Variants in DMD observed in about 807,000 individuals in gnomAD.
DMD encodes the protein mutant dystrophin.
A neutral mutation model predicts 330.1 loss-of-function variants in DMD; 63 were observed. The observed-to-expected ratio is 0.19, with a 90% CI of 0.16 to 0.24. DMD has a LOEUF of 0.24. Among genes scored for constraint, DMD ranks in the 10% least tolerant of loss-of-function variants. The pLI, the probability that DMD is intolerant of heterozygous loss-of-function variation, is 1.00. For missense variants in DMD, 3,344 were observed against 2,684.1 expected (o/e 1.25, Z -5.43); for synonymous variants, 1,223 against 959.8 (o/e 1.27, Z -5.07).
At chrX:31,472,840 A>C (rs1004868190) in intron 59 of DMD, among the ~76,000 whole-genome samples, 3 of 112,525 alleles carry the variant, frequency 2.7e-5, no homozygotes, top group Non-Finnish European at 5.6e-5. Context: ...AAACTCATAG[A>C]ATCCCTGCCC....
chrX:32,663,815 ATT>A (rs1361687358), intron 9 of DMD, among the ~76,000 whole-genome samples: 1 of 111,786 alleles, frequency 8.9e-6, no homozygotes, highest in Non-Finnish European at 1.9e-5. Flanking sequence ...TGAGAAAAAG[ATT>A]TAAAGATATG....
intron 56 of DMD, among the ~76,000 whole-genome samples, chrX:31,500,550 A>G (rs918399584): frequency 2.7e-5 from 3 of 112,350 alleles, no homozygotes; most frequent in Admixed American, 9.4e-5. Context: ...CACATTTCTA[A>G]TACATTTATC....
At chrX:32,435,272 T>TTATATATATATATATATATATATA (rs2098255810) in intron 29 of DMD, among the ~76,000 whole-genome samples, 1 of 45,932 alleles carries the variant, frequency 2.2e-5, no homozygotes, top group East Asian at 1.4e-3. Flanking sequence ...TAATATATAC[T>TTATATATATATATATATATATATA]TACATATATA....
chrX:33,330,601 C>A (rs1307330080), intron 1 of DMD, among the ~76,000 whole-genome samples: 3 of 111,534 alleles, frequency 2.7e-5, no homozygotes, highest in African/African-American at 9.8e-5. Context: ...TTCAAATCCT[C>A]CTGAAAGTTT....
At chrX:32,400,511 T>C (rs965961708) in intron 30 of DMD, among the ~76,000 whole-genome samples, 6 of 111,415 alleles carry the variant, frequency 5.4e-5, no homozygotes, top group Non-Finnish European at 7.5e-5. Context: ...TTCTATGGAT[T>C]GGAATAGTTT....
chrX:31,339,521 A>C (rs971859618), intron 61 of DMD, among the ~76,000 whole-genome samples: 1 of 111,906 alleles, frequency 8.9e-6, no homozygotes, highest in African/African-American at 3.2e-5. Flanking sequence ...CCTGCAAATC[A>C]TCTCACATTG....
At chrX:31,562,394 T>G (rs1213920598) in intron 55 of DMD, among the ~76,000 whole-genome samples, 1 of 112,206 alleles carries the variant, frequency 8.9e-6, no homozygotes, top group East Asian at 2.8e-4. Flanking sequence ...ACCACATTTC[T>G]TTCCTCAAAG....
intron 41 of DMD, among the ~76,000 whole-genome samples, chrX:32,338,631 A>G (rs1326823737): frequency 9.0e-6 from 1 of 111,423 alleles, no homozygotes; most frequent in African/African-American, 3.3e-5. Flanking sequence ...ATCTGATAAC[A>G]TTGCTTATAA....
At chrX:32,800,498 T>G (rs1395210575) in intron 7 of DMD, among the ~76,000 whole-genome samples, 2 of 112,084 alleles carry the variant, frequency 1.8e-5, no homozygotes, top group Admixed American at 1.9e-4. Flanking sequence ...TTGACATATT[T>G]TAAAAATATA....
In DMD at chrX:31,658,151, AT is replaced by A. The variant is rs919694751; in HGVS notation, c.7873-8del. 5 of 1,208,969 alleles carry A rather than the reference AT, an allele frequency of 4.1e-6. No homozygotes were observed. The Admixed American group carries it at 8.8e-5, about 21-fold the overall frequency. ...GGAGGTCTTTGGCCAACTGCTATAG[AT>A]TTTTATGAGAAAGAGAATGAATGTC... On this transcript the variant is annotated splice_region_variant and splice_polypyrimidine_tract_variant and intron_variant, in intron 53 of 78. Coordinates refer to ENST00000357033, the MANE Select transcript of DMD (RefSeq NM_004006.3).
At chrX:31,440,509 T>G (rs1209215238) in intron 60 of DMD, among the ~76,000 whole-genome samples, 1 of 112,122 alleles carries the variant, frequency 8.9e-6, no homozygotes, top group African/African-American at 3.2e-5. Flanking sequence ...AAAAAGAGCA[T>G]GGGAATAGCA....
At chrX:32,719,492 T>G (rs763728496) in intron 7 of DMD, among the ~76,000 whole-genome samples, 2 of 111,912 alleles carry the variant, frequency 1.8e-5, no homozygotes, top group Admixed American at 1.9e-4. Flanking sequence ...TCTATAACTT[T>G]GGGTCATTGT....
At chrX:31,359,901 A>C (rs2058849481) in intron 60 of DMD, among the ~76,000 whole-genome samples, 1 of 112,123 alleles carries the variant, frequency 8.9e-6, no homozygotes, top group African/African-American at 3.2e-5. Context: ...TGATAACTGC[A>C]AATTGCTAGA....
intron 44 of DMD, among the ~76,000 whole-genome samples, chrX:32,174,576 C>T (rs950451749): frequency 2.7e-5 from 3 of 112,269 alleles, no homozygotes; most frequent in African/African-American, 9.7e-5. Context: ...GTATAGAAAA[C>T]AAAGCCTAAA....
At chrX:31,683,669 T>G (rs1004981810) in intron 52 of DMD, among the ~76,000 whole-genome samples, 9 of 110,832 alleles carry the variant, frequency 8.1e-5, no homozygotes, top group African/African-American at 3.0e-4. Context: ...GTAAAAAGAA[T>G]AAATAAAACA....
chrX:32,977,712 GAT>G (rs781460979), intron 2 of DMD, among the ~76,000 whole-genome samples: 7 of 107,687 alleles, frequency 6.5e-5, no homozygotes, highest in African/African-American at 2.0e-4. Context: ...ATGTATGTGT[GAT>G]ATATATATAT....
At chrX:32,162,183 TAAAA>T (rs898349903) in intron 44 of DMD, among the ~76,000 whole-genome samples, 2 of 110,749 alleles carry the variant, frequency 1.8e-5, no homozygotes, top group African/African-American at 6.6e-5. Context: ...AGTATAATAA[TAAAA>T]AAGAAAGAAG....
At chrX:32,385,027 A>T (rs897560975) in intron 33 of DMD, among the ~76,000 whole-genome samples, 1 of 111,321 alleles carries the variant, frequency 9.0e-6, no homozygotes, top group Non-Finnish European at 1.9e-5. Context: ...AATTCCAGTG[A>T]CATTTTTGGC....
rs1300965225 is a variant in DMD, at chrX:31,998,213, A to C, written c.6439-29699T>G. Among the ~76,000 whole-genome samples the C allele has an allele frequency of 4.5e-5, 5 of 112,221 alleles. No individual in the cohort carries two copies. The East Asian group carries it at 1.1e-3, about 25-fold the overall frequency. On this transcript the variant is annotated intron_variant, in intron 44 of 78. Transcript: ENST00000357033. Reference sequence around the variant, plus strand: ...TGGATTTCAAGTATCCTAACAGTTAAAAACACAAAAACTATCAGTTCCTTT... The same window carrying C: ...TGGATTTCAAGTATCCTAACAGTTACAAACACAAAAACTATCAGTTCCTTT...
Sources: gnomAD v4.1 joint callset for allele counts (sites outside exome capture counted in the v4.1 genomes callset) on GRCh38, gnomAD v4.1.1 for gene constraint, MANE v1.5 for transcripts, NCBI Gene and HGNC (gene_info 2026-07-23, HGNC 2026-07-21) for gene names.